Variants in CPNE8 observed in about 807,000 individuals in gnomAD.
The protein encoded by CPNE8 is copine 8, also known as copine-8.
CPNE8 carries 45 observed loss-of-function variants against 81.5 expected under a neutral mutation model. That is an observed-to-expected ratio of 0.55 (90% CI 0.44 to 0.71). CPNE8 has a LOEUF of 0.71. Among genes scored for constraint, CPNE8 ranks in the 30% least tolerant of loss-of-function variants. CPNE8 has a pLI of 0.00. For missense variants in CPNE8, 594 were observed against 672.1 expected (o/e 0.88, Z 1.28); for synonymous variants, 252 against 226.3 (o/e 1.11, Z -1.02).
chr12:38,798,223 G>A (rs935634107), intron 6 of CPNE8, among the ~76,000 whole-genome samples: 43 of 152,192 alleles, frequency 2.8e-4, no homozygotes, highest in African/African-American at 1.0e-3. Context: ...TCCTTGAGAA[G>A]AGCAACTCCA....
chr12:38,847,329 C>G (rs1195110636), intron 4 of CPNE8, among the ~76,000 whole-genome samples: 2 of 152,208 alleles, frequency 1.3e-5, no homozygotes, highest in East Asian at 3.9e-4. Context: ...AATTAAGAGT[C>G]CCATGCTGGT....
At chr12:38,718,813 A>T (rs565956830) in intron 13 of CPNE8, among the ~76,000 whole-genome samples, 3 of 152,338 alleles carry the variant, frequency 2.0e-5, no homozygotes, top group African/African-American at 7.2e-5. Context: ...ATGTCACTAA[A>T]GCATGTACTA....
chr12:38,894,802 C>CA (rs1203294256), intron 1 of CPNE8, among the ~76,000 whole-genome samples: 2 of 151,488 alleles, frequency 1.3e-5, no homozygotes, highest in African/African-American at 4.9e-5. Context: ...AAAAAATCTA[C>CA]AAATAGGAGT....
chr12:38,782,593 T>C (rs1295376861), intron 6 of CPNE8, among the ~76,000 whole-genome samples: 1 of 151,984 alleles, frequency 6.6e-6, no homozygotes, highest in Non-Finnish European at 1.5e-5. Flanking sequence ...AGAAAGAGAA[T>C]GAGAAAGAGG....
chr12:38,866,383 T>C (rs758783265), intron 3 of CPNE8, among the ~76,000 whole-genome samples: 3 of 152,172 alleles, frequency 2.0e-5, no homozygotes, highest in Non-Finnish European at 4.4e-5. Flanking sequence ...ATAAAAATAT[T>C]CAGTTGTTCT....
At chr12:38,891,810 T>C (rs1034612247) in intron 1 of CPNE8, among the ~76,000 whole-genome samples, 1 of 152,258 alleles carries the variant, frequency 6.6e-6, no homozygotes, top group African/African-American at 2.4e-5. Flanking sequence ...AATTCATAGA[T>C]GTCCACATTC....
chr12:38,700,869 T>C (rs1299463070), intron 14 of CPNE8, among the ~76,000 whole-genome samples: 1 of 152,188 alleles, frequency 6.6e-6, no homozygotes, highest in East Asian at 1.9e-4. Context: ...CCTGCCACCA[T>C]GTAAGACATA....
At chr12:38,710,268 CAAAAAAAA>C in intron 13 of CPNE8, among the ~76,000 whole-genome samples, 1 of 50,296 alleles carries the variant, frequency 2.0e-5, no homozygotes, top group African/African-American at 6.5e-5. Context: ...AATAAGCTAA[CAAAAAAAA>C]AAAAAAAAAA....
Position 38,677,466 on chromosome 12 carries a change from C to A in CPNE8, c.1360G>T (p.Glu454Ter). ...GVISDMAQTK[E>*]SIVNASKLPM... is the part of the protein sequence containing the mutation. The stretch of plus-strand genomic sequence containing the variant: ...CCCCCACTTACATTAACTATGGACT[C>A]CTTAGTCTGGGCCATATCTGAGATA... The change falls in exon 17 of 20, where the codon GAG (glutamate) becomes TAG (stop). Residue 454 changes from glutamate to a stop codon, truncating the protein, a stop_gained. Transcript: ENST00000331366. LOFTEE classifies it high-confidence loss of function. The A allele has an allele frequency of 6.2e-7, 1 of 1,602,768 alleles. No individual in the cohort carries two copies. Among genetic ancestry groups the A allele is most frequent in the Non-Finnish European group, 8.5e-7 (1 of 1,170,052 alleles).
chr12:38,905,710 G>T (rs986496032), upstream of CPNE8: 15 of 1,442,656 alleles, frequency 1.0e-5, no homozygotes, highest in Non-Finnish European at 1.4e-5. Context: ...GCAGAGCCAC[G>T]AGGGAACCGC....
chr12:38,673,367 T>C (rs1939221500), intron 18 of CPNE8, among the ~76,000 whole-genome samples: 1 of 152,102 alleles, frequency 6.6e-6, no homozygotes, highest in Non-Finnish European at 1.5e-5. Flanking sequence ...TTCATATGTG[T>C]GATATATACA....
chr12:38,763,586 G>A (rs1464358554), intron 8 of CPNE8, among the ~76,000 whole-genome samples: 1 of 152,076 alleles, frequency 6.6e-6, no homozygotes, highest in African/African-American at 2.4e-5. Flanking sequence ...CACAATATGG[G>A]GCAGAATTCA....
intron 16 of CPNE8, among the ~76,000 whole-genome samples, chr12:38,678,419 T>C (rs191661615): frequency 0.013 from 1,965 of 152,056 alleles, 29 homozygotes; most frequent in South Asian, 0.042. Context: ...TTTTTACGAT[T>C]TTTTGCAATT....
chr12:38,872,997 A>T lies in CPNE8; in HGVS notation c.186+7T>A. 1 of 1,506,346 alleles carries T rather than the reference A, an allele frequency of 6.6e-7. No individual in the cohort carries two copies. The allele number at this position is 1,506,346 out of a possible 1,614,324, so 93.3% of individuals were successfully genotyped here. On this transcript the variant is annotated splice_region_variant and intron_variant, in intron 3 of 19. Transcript: ENST00000331366. ...CAGTGATTTTTTTAAAAAAGTTTTAAACTTACCTCTCTCCATTCTTTATTT... is the reference window on the plus strand; with the variant it reads ...CAGTGATTTTTTTAAAAAAGTTTTATACTTACCTCTCTCCATTCTTTATTT...
chr12:38,711,538 G>C (rs1053002361), intron 13 of CPNE8, among the ~76,000 whole-genome samples: 2 of 150,626 alleles, frequency 1.3e-5, no homozygotes, highest in African/African-American at 4.9e-5. Context: ...GCGCAATCTC[G>C]GCTCACTGCA....
At chr12:38,755,430 T>G (rs914083721) in intron 10 of CPNE8, among the ~76,000 whole-genome samples, 11 of 152,164 alleles carry the variant, frequency 7.2e-5, no homozygotes, top group Non-Finnish European at 1.3e-4. Flanking sequence ...GCTCCCTGAA[T>G]TTTAATTTAA....
rs12315986 is a variant in CPNE8, at chr12:38,892,078, T to A, written c.98+13359A>T. ...TCTAGTAAAATATCACAAATTGCACTGAGTGAGGTAAATCTTGACAACCAG... is the reference window on the plus strand; with the variant it reads ...TCTAGTAAAATATCACAAATTGCACAGAGTGAGGTAAATCTTGACAACCAG... On this transcript the variant is annotated intron_variant, in intron 1 of 19. Coordinates refer to ENST00000331366, the MANE Select transcript of CPNE8 (RefSeq NM_153634.3). Among the ~76,000 whole-genome samples, 1,409 of 152,218 alleles carry A rather than the reference T, an allele frequency of 9.3e-3. 22 individuals carry two copies. The highest frequency in any genetic ancestry group is 0.032 in the African/African-American group (1,313 of 41,534).
intron 19 of CPNE8, among the ~76,000 whole-genome samples, chr12:38,665,286 A>G (rs1308645379): frequency 6.6e-6 from 1 of 152,196 alleles, no homozygotes; most frequent in African/African-American, 2.4e-5. Context: ...TGTTGACCAC[A>G]TGGTAATTTA....
chr12:38,756,878 A>G (rs1231143459), intron 10 of CPNE8, among the ~76,000 whole-genome samples: 1 of 152,234 alleles, frequency 6.6e-6, no homozygotes, highest in Non-Finnish European at 1.5e-5. Flanking sequence ...TGCTGTAAAC[A>G]TAAAATGTAT....
Sources: allele counts gnomAD v4.1 joint callset (sites outside exome capture counted in the v4.1 genomes callset), GRCh38; gene constraint gnomAD v4.1.1; transcripts MANE v1.5; gene names NCBI Gene and HGNC (gene_info 2026-07-23, HGNC 2026-07-21).